ARID1A: variants seen among roughly 807,000 people sequenced by gnomAD.
ARID1A encodes AT-rich interaction domain 1A.
A neutral mutation model predicts 212.6 loss-of-function variants in ARID1A; 20 were observed. The observed-to-expected ratio is 0.09, with a 90% CI of 0.07 to 0.14. ARID1A has a LOEUF of 0.14. Ranked by LOEUF, ARID1A falls within the 10% of genes least tolerant of loss-of-function variation. ARID1A has a pLI of 1.00. For missense variants in ARID1A, 2,587 were observed against 3,059.0 expected (o/e 0.85, Z 3.64); for synonymous variants, 1,376 against 1,222.1 (o/e 1.13, Z -2.63).
At chr1:26,697,977 G>T (rs2080294273) in intron 1 of ARID1A, among the ~76,000 whole-genome samples, 3 of 152,072 alleles carry the variant, frequency 2.0e-5, no homozygotes, top group Non-Finnish European at 4.4e-5. Flanking sequence ...CCTCTGGGCC[G>T]CCCCCCATCT....
At position 26,696,448 on chromosome 1, in the gene ARID1A, C is replaced by CCCGCCG. The variant is rs748085214; in HGVS notation, c.57_62dup (p.Pro20_Pro21dup). ...CCGCCGCCGCCAGCAGCCTGGGCAA[C>CCCGCCG]CCGCCGCCGCCGCCGCCCTCGGAGC... On this transcript the variant is annotated inframe_insertion, in exon 1 of 20. Coordinates refer to ENST00000324856, the MANE Select transcript of ARID1A (RefSeq NM_006015.6). The CCCGCCG allele has an allele frequency of 4.3e-4, 548 of 1,285,864 alleles. 1 individual carries two copies. The highest frequency in any genetic ancestry group is 3.9e-4 in the Non-Finnish European group (401 of 1,018,042). The allele number at this position is 1,285,864 out of a possible 1,614,324, so 79.7% of individuals were successfully genotyped here.
At chr1:26,770,433 A>G (rs901362323) in intron 11 of ARID1A, 6 of 152,172 alleles carry the variant, frequency 3.9e-5, no homozygotes, top group African/African-American at 1.4e-4. Flanking sequence ...TCTCCATTTT[A>G]TAAAATGTTA....
chr1:26,774,230 G>C lies in ARID1A; in HGVS notation c.4102-99G>C, dbSNP rs2081112608. The C allele has an allele frequency of 4.0e-6, 6 of 1,492,238 alleles. No individual in the cohort carries two copies. The highest frequency in any genetic ancestry group is 5.3e-6 in the Non-Finnish European group (6 of 1,123,202). 92.4% of individuals were successfully genotyped at this position (1,492,238 alleles called of 1,614,324 possible). On this transcript the variant is annotated intron_variant, in intron 17 of 19. Coordinates refer to ENST00000324856, the MANE Select transcript of ARID1A (RefSeq NM_006015.6). The surrounding 1 kb of genome is among the most constrained non-coding windows in gnomAD (Gnocchi z 5.6). ...TGATTCCCATGTTTTCTTGGAGTCT[G>C]TGTCCACCAAGCATCTGGTTGTAGC...
At chr1:26,751,913 A>G (rs899509982) in intron 4 of ARID1A, among the ~76,000 whole-genome samples, 2 of 152,208 alleles carry the variant, frequency 1.3e-5, no homozygotes, top group Non-Finnish European at 2.9e-5. Flanking sequence ...ATGAATCATT[A>G]TCTTCAGAAC....
chr1:26,706,451 G>A (rs1420553519), intron 1 of ARID1A, among the ~76,000 whole-genome samples: 1 of 152,210 alleles, frequency 6.6e-6, no homozygotes, highest in Non-Finnish European at 1.5e-5. Flanking sequence ...CCCATTTGGT[G>A]TGTGCTTGGT....
chr1:26,700,263 AGTCTTGCTCT>A (rs896785836), intron 1 of ARID1A, among the ~76,000 whole-genome samples: 26 of 152,236 alleles, frequency 1.7e-4, no homozygotes, highest in African/African-American at 5.8e-4. Context: ...TAAATTAAAA[AGTCTTGCTCT>A]GTCTCCATCT....
intron 1 of ARID1A, among the ~76,000 whole-genome samples, chr1:26,726,174 G>GTTT (rs1297710813): frequency 7.5e-5 from 8 of 107,356 alleles, no homozygotes; most frequent in African/African-American, 1.0e-4. Flanking sequence ...GTTTTTTTTT[G>GTTT]TTTTTTTTTT....
chr1:26,781,237 T>C lies in ARID1A; in HGVS notation c.*481T>C, dbSNP rs1303826808. On this transcript the variant is annotated 3_prime_UTR_variant, in exon 20 of 20. Transcript: ENST00000324856. The stretch of plus-strand genomic sequence containing the variant: ...CTGCTGAACTGTGTGTGGTTTATTG[T>C]TGTACATTCACAATCTTGCAGGAGC... 1 of 237,356 alleles carries C rather than the reference T, an allele frequency of 4.2e-6. No individual in the cohort carries two copies. Among genetic ancestry groups the C allele is most frequent in the Non-Finnish European group, 8.3e-6 (1 of 120,744 alleles). 14.7% of individuals were successfully genotyped at this position (237,356 alleles called of 1,614,324 possible).
intron 4 of ARID1A, among the ~76,000 whole-genome samples, chr1:26,738,008 G>A (rs1410629510): frequency 6.6e-6 from 1 of 151,940 alleles, no homozygotes; most frequent in African/African-American, 2.4e-5. Flanking sequence ...ACTGTATGAG[G>A]TTCCTTTGCT....
Position 26,761,870 on chromosome 1 carries a change from A to G in ARID1A, c.2252-282A>G, listed in dbSNP as rs79240131. 0.059 allele frequency among the ~76,000 whole-genome samples: 9,028 copies of G among 152,126 alleles called. 368 individuals carry two copies. The highest frequency in any genetic ancestry group is 0.088 in the Non-Finnish European group (5,956 of 67,990). ...TTGGTCGGCAGTTGCTGAAGACTCA[A>G]TGTTCGGTCTTCACTCATCAAGTCA... On this transcript the variant is annotated intron_variant, in intron 6 of 19. Coordinates refer to ENST00000324856, the MANE Select transcript of ARID1A (RefSeq NM_006015.6).
At chr1:26,702,363 T>G (rs1375302069) in intron 1 of ARID1A, among the ~76,000 whole-genome samples, 1 of 152,226 alleles carries the variant, frequency 6.6e-6, no homozygotes, top group Non-Finnish European at 1.5e-5. Flanking sequence ...TCTTCCTGGC[T>G]TAGTAGTTTA....
rs141954696 is a variant in ARID1A, at chr1:26,737,118, T to G, written c.1920+4326T>G. ...TGCCCTCTACCTGTGCTTGCTTTTT[T>G]TTTGTTTGTTTGTTTTGAGATGGGG... On this transcript the variant is annotated intron_variant, in intron 4 of 19. Transcript: ENST00000324856. 1.9e-3 allele frequency among the ~76,000 whole-genome samples: 291 copies of G among 152,128 alleles called. 1 individual carries two copies. The highest frequency in any genetic ancestry group is 5.0e-3 in the Admixed American group (77 of 15,276).
At chr1:26,757,224 A>G (rs2080948438) in intron 4 of ARID1A, among the ~76,000 whole-genome samples, 1 of 150,934 alleles carries the variant, frequency 6.6e-6, no homozygotes, top group Admixed American at 6.6e-5. Flanking sequence ...CTTAAAAAAA[A>G]AAAAAAATGC....
intron 4 of ARID1A, among the ~76,000 whole-genome samples, chr1:26,742,649 A>T (rs2080799027): frequency 6.6e-6 from 1 of 152,128 alleles, no homozygotes; most frequent in Admixed American, 6.6e-5. Flanking sequence ...AGACCCTGAG[A>T]GCTGAGAGTA....
At chr1:26,766,070 C>G in intron 8 of ARID1A, 151 bp from the exon 9 acceptor site, 1 of 832,524 alleles carries the variant, frequency 1.2e-6, no homozygotes, top group Admixed American at 3.1e-5. Flanking sequence ...AAAATAATAT[C>G]TGGATGTTGC....
chr1:26,756,994 G>A (rs374570442), intron 4 of ARID1A, among the ~76,000 whole-genome samples: 22 of 152,202 alleles, frequency 1.4e-4, no homozygotes, highest in Admixed American at 3.9e-4. Context: ...GAGCCACTGC[G>A]CCCGGCCCAA....
chr1:26,709,242 A>G lies in ARID1A; in HGVS notation c.1137+11702A>G, dbSNP rs1244658039. 5.3e-5 allele frequency among the ~76,000 whole-genome samples: 8 copies of G among 152,306 alleles called. No homozygotes were observed. The South Asian group carries it at 1.7e-3, about 32-fold the overall frequency. The stretch of plus-strand genomic sequence containing the variant: ...TTCGTTTATCAAATACAATTCTAAC[A>G]TGACTCCTGATTGGTCAATCCCACA... On this transcript the variant is annotated intron_variant, in intron 1 of 19. Coordinates refer to ENST00000324856, the MANE Select transcript of ARID1A (RefSeq NM_006015.6).
chr1:26,715,526 C>T (rs6668465), intron 1 of ARID1A, among the ~76,000 whole-genome samples: 5,649 of 152,238 alleles, frequency 0.037, 353 homozygotes, highest in African/African-American at 0.13. Context: ...TCTATATCAC[C>T]TCACATGGGG....
chr1:26,699,591 A>G (rs2080312731), intron 1 of ARID1A, among the ~76,000 whole-genome samples: 4 of 152,198 alleles, frequency 2.6e-5, no homozygotes, highest in Admixed American at 1.3e-4. Flanking sequence ...CTGGACAAGA[A>G]ATAGGGAAAT....
Sources: gnomAD v4.1 joint callset for allele counts (sites outside exome capture counted in the v4.1 genomes callset) on GRCh38, gnomAD v4.1.1 for gene constraint, Gnocchi (gnomAD v3.1) non-coding constraint, MANE v1.5 for transcripts, NCBI Gene and HGNC (gene_info 2026-07-23, HGNC 2026-07-21) for gene names.